The following ETS1 variants were observed in gnomAD, a reference collection of about 807,000 sequenced individuals.
The protein encoded by ETS1 is protein C-ets-1.
Under a neutral mutation model 58.6 loss-of-function variants are expected in ETS1, and 15 were observed. The observed-to-expected ratio is 0.26, with a 90% CI of 0.17 to 0.39. The LOEUF (loss-of-function observed/expected upper bound fraction) is 0.39. ETS1 is among the 10% of genes least tolerant of loss of function. The pLI is 1.00. For synonymous variants in ETS1, 214 were observed against 218.2 expected (o/e 0.98, Z 0.17); for missense variants, 417 against 610.5 (o/e 0.68, Z 3.34).
intron 8 of ETS1, among the ~76,000 whole-genome samples, chr11:128,475,391 C>G (rs2135430834): frequency 1.3e-5 from 2 of 152,232 alleles, no homozygotes; most frequent in East Asian, 1.9e-4. Context: ...TTACTGATCC[C>G]TAAAACTCAA....
At chr11:128,489,585 G>C in intron 4 of ETS1, 95 bp from the exon 5 acceptor site, 1 of 944,342 alleles carries the variant, frequency 1.1e-6, no homozygotes, top group Non-Finnish European at 1.7e-6. Context: ...ATTTAGCTGA[G>C]AATGCTATCT....
intron 5 of ETS1, among the ~76,000 whole-genome samples, 170 bp from the exon 6 acceptor site, chr11:128,486,316 A>C (rs1862630458): frequency 6.6e-6 from 1 of 152,232 alleles, no homozygotes; most frequent in Non-Finnish European, 1.5e-5. Flanking sequence ...GCCTTGTCTA[A>C]AGATGAGATC....
chr11:128,464,637 A>T lies in ETS1; in HGVS notation c.1124-1010T>A, dbSNP rs554201022. Among the ~76,000 whole-genome samples the T allele has an allele frequency of 8.7e-4, 133 of 152,326 alleles. No homozygotes were observed. The highest frequency in any genetic ancestry group is 8.1e-4 in the Non-Finnish European group (55 of 68,028). On this transcript the variant is annotated intron_variant, in intron 8 of 9. Coordinates refer to ENST00000392668, the MANE Select transcript of ETS1 (RefSeq NM_001143820.2). The surrounding 1 kb of genome is among the most constrained non-coding windows in gnomAD (Gnocchi z 4.1). ...AGCGGGACTGGGAAAGACCCAGTCC[A>T]TGTCTCTGGATACAGCCCAGGAAGC...
At chr11:128,503,713 C>T (rs140431395) in intron 3 of ETS1, among the ~76,000 whole-genome samples, 17 of 152,302 alleles carry the variant, frequency 1.1e-4, no homozygotes, top group Admixed American at 3.9e-4. Flanking sequence ...ATTCCCTTCT[C>T]TAAGGGCCCT....
chr11:128,580,990 A>G (rs1479086323), intron 1 of ETS1, among the ~76,000 whole-genome samples: 1 of 152,208 alleles, frequency 6.6e-6, no homozygotes, highest in Non-Finnish European at 1.5e-5. Flanking sequence ...TAAAGAGTAT[A>G]TTGTTTTACC....
intron 1 of ETS1, among the ~76,000 whole-genome samples, chr11:128,578,651 T>C (rs1245158786): frequency 6.6e-6 from 1 of 152,194 alleles, no homozygotes; most frequent in Non-Finnish European, 1.5e-5. Context: ...GGGTATTTTT[T>C]AATCTATCTA....
At chr11:128,480,668 C>T (rs1288220889) in intron 7 of ETS1, among the ~76,000 whole-genome samples, 1 of 152,184 alleles carries the variant, frequency 6.6e-6, no homozygotes, top group African/African-American at 2.4e-5. Flanking sequence ...TCCACGGCCA[C>T]TCTGCTGCCT....
At chr11:128,471,041 T>C (rs1219620672) in intron 8 of ETS1, among the ~76,000 whole-genome samples, 1 of 152,200 alleles carries the variant, frequency 6.6e-6, no homozygotes. Flanking sequence ...CCTTTTTCCT[T>C]AGTTATTCAT....
chr11:128,486,090 A>G lies in ETS1; in HGVS notation c.592T>C (p.Tyr198His). Residue 198 changes from tyrosine (Y) to histidine (H), a missense_variant, in exon 6 of 10, where the codon TAT becomes CAT. By Grantham distance (83) the Tyr-to-His change is moderately conservative. This residue lies in a region of ETS1 where 132 missense variants were observed against 212.1 expected (regional missense o/e 0.62). Coordinates refer to ENST00000392668, the MANE Select transcript of ETS1 (RefSeq NM_001143820.2). ...TTACTAATGAAGTAATCCGAGGTAT[A>G]GCGGGATTCTGGATAGGCTGGGTTG... ...GVNPAYPESR[Y>H]TSDYFISYGI... 6.2e-7 allele frequency: 1 copy of G among 1,610,344 alleles called. No homozygotes were observed. The highest frequency in any genetic ancestry group is 1.1e-5 in the South Asian group (1 of 90,956).
At chr11:128,519,179 T>C (rs766699512) in intron 3 of ETS1, among the ~76,000 whole-genome samples, 8 of 152,196 alleles carry the variant, frequency 5.3e-5, no homozygotes, top group Admixed American at 6.5e-5. Context: ...TATTTCAGAG[T>C]ATATGTTAAT....
At chr11:128,495,890 C>T (rs1862925959) in intron 3 of ETS1, among the ~76,000 whole-genome samples, 1 of 152,166 alleles carries the variant, frequency 6.6e-6, no homozygotes, top group African/African-American at 2.4e-5. Flanking sequence ...TAGAGTTTTA[C>T]ATTTTTTATT....
At chr11:128,543,670 A>G (rs146860070) in intron 3 of ETS1, among the ~76,000 whole-genome samples, 117 of 152,310 alleles carry the variant, frequency 7.7e-4, no homozygotes, top group African/African-American at 2.7e-3. Flanking sequence ...TTCCCACTCA[A>G]TAATTTCCTA....
At chr11:128,525,392 A>C (rs1450311208) in intron 3 of ETS1, among the ~76,000 whole-genome samples, 2 of 152,092 alleles carry the variant, frequency 1.3e-5, no homozygotes, top group Non-Finnish European at 2.9e-5. Context: ...ATAAATATAC[A>C]CTTAATGTTG....
chr11:128,580,935 G>A (rs910840203), intron 1 of ETS1, among the ~76,000 whole-genome samples: 1 of 152,066 alleles, frequency 6.6e-6, no homozygotes, highest in African/African-American at 2.4e-5. Flanking sequence ...ATAGCTCAAC[G>A]AATCCTTCTT....
At chr11:128,566,760 G>A (rs934285214) in intron 2 of ETS1, among the ~76,000 whole-genome samples, 3 of 150,844 alleles carry the variant, frequency 2.0e-5, no homozygotes, top group Admixed American at 2.0e-4. Flanking sequence ...TCCAGCCTGG[G>A]CGACAGAGCA....
intron 3 of ETS1, among the ~76,000 whole-genome samples, chr11:128,508,332 T>C (rs565023251): frequency 6.6e-6 from 1 of 152,356 alleles, no homozygotes; most frequent in African/African-American, 2.4e-5. Context: ...CTAACAGCCC[T>C]GAAAGCTCTT....
At chr11:128,475,171 AACTT>A (rs1862289048) in intron 8 of ETS1, among the ~76,000 whole-genome samples, 1 of 152,228 alleles carries the variant, frequency 6.6e-6, no homozygotes, top group South Asian at 2.1e-4. Context: ...CCTTATCACT[AACTT>A]AGGCTCATAC....
intron 1 of ETS1, among the ~76,000 whole-genome samples, chr11:128,585,062 AAG>A (rs759809143): frequency 2.0e-4 from 5 of 25,408 alleles, no homozygotes; most frequent in African/African-American, 1.2e-3. Flanking sequence ...GAAAGAAAGA[AAG>A]AAAGAAAGAA....
intron 8 of ETS1, among the ~76,000 whole-genome samples, chr11:128,465,962 A>G (rs958244007): frequency 6.6e-6 from 1 of 152,174 alleles, no homozygotes; most frequent in African/African-American, 2.4e-5. Flanking sequence ...CTTCATCTCA[A>G]TGCTACGTTG....
Sources: allele counts gnomAD v4.1 joint callset (sites outside exome capture counted in the v4.1 genomes callset), GRCh38; gene constraint gnomAD v4.1.1; regional missense constraint gnomAD v4.1.1; non-coding constraint Gnocchi (gnomAD v3.1); transcripts MANE v1.5; gene names NCBI Gene and HGNC (gene_info 2026-07-23, HGNC 2026-07-21).